The following PNMA2 variants were observed in gnomAD, a reference collection of about 807,000 sequenced individuals.
The protein encoded by PNMA2 is paraneoplastic antigen Ma2.
For synonymous variants in PNMA2, 175 were observed against 183.5 expected (o/e 0.95, Z 0.38); for missense variants, 455 against 452.9 (o/e 1.00, Z -0.04).
In PNMA2 at chr8:26,508,977, C is replaced by A; in HGVS notation, c.-222G>T. The stretch of plus-strand genomic sequence containing the variant: ...GAACTCAGGACTTCTTGTCTTTAGG[C>A]CTGACCCAGGTGGGCAGGTCGTATC... On this transcript the variant is annotated 5_prime_UTR_variant, in exon 3 of 3. Coordinates refer to ENST00000522362, the MANE Select transcript of PNMA2 (RefSeq NM_007257.6). The surrounding 1 kb of genome is among the most constrained non-coding windows in gnomAD (Gnocchi z 5.5). The A allele has an allele frequency of 3.1e-6, 4 of 1,289,926 alleles. No individual in the cohort carries two copies. Among genetic ancestry groups the A allele is most frequent in the Non-Finnish European group, 4.0e-6 (4 of 996,598 alleles). The allele number at this position is 1,289,926 out of a possible 1,614,324, so 79.9% of individuals were successfully genotyped here.
Position 26,508,312 on chromosome 8 carries a change from C to T in PNMA2, c.444G>A (p.Gln148=). The T allele has an allele frequency of 6.2e-7, 1 of 1,609,646 alleles. No individual in the cohort carries two copies. Among genetic ancestry groups the T allele is most frequent in the Non-Finnish European group, 8.5e-7 (1 of 1,177,572 alleles). The change falls in exon 3 of 3, where the codon CAG becomes CAA. Residue 148 remains glutamine, a synonymous_variant. Coordinates refer to ENST00000522362, the MANE Select transcript of PNMA2 (RefSeq NM_007257.6). The surrounding 1 kb of genome is among the most constrained non-coding windows in gnomAD (Gnocchi z 5.5). ...SPELLAHLLG[Q]AMAHAPQPLL... ...GGGGCTGAGGCGCATGTGCCATTGC[C>T]TGTCCCAACAAATGGGCCAGTAATT...
chr8:26,507,189 G>T lies in PNMA2; in HGVS notation c.*472C>A, dbSNP rs946718137. On this transcript the variant is annotated 3_prime_UTR_variant, in exon 3 of 3. Coordinates refer to ENST00000522362, the MANE Select transcript of PNMA2 (RefSeq NM_007257.6). ...CATGCCTGTAATCCCAGCACTTTGG[G>T]AGGCCGAGTTGGGCACATCATTTGA... is the stretch of plus-strand genomic sequence containing the variant. 1.3e-5 allele frequency: 2 copies of T among 152,504 alleles called. No individual in the cohort carries two copies. The highest frequency in any genetic ancestry group is 4.8e-5 in the African/African-American group (2 of 41,450). 9.4% of individuals were successfully genotyped at this position (152,504 alleles called of 1,614,324 possible). A position where few individuals can be genotyped will look rare whatever the true frequency, so the allele number is the denominator to read the frequency against.
In PNMA2 at chr8:26,507,454, A is replaced by G; in HGVS notation, c.*207T>C. 2.1e-6 allele frequency: 1 copy of G among 469,492 alleles called. No individual in the cohort carries two copies. The highest frequency in any genetic ancestry group is 3.7e-6 in the Non-Finnish European group (1 of 273,364). The allele number at this position is 469,492 out of a possible 1,614,324, so 29.1% of individuals were successfully genotyped here. A position where few individuals can be genotyped will look rare whatever the true frequency, so the allele number is the denominator to read the frequency against. On this transcript the variant is annotated 3_prime_UTR_variant, in exon 3 of 3. Coordinates refer to ENST00000522362, the MANE Select transcript of PNMA2 (RefSeq NM_007257.6). ...GACCCAAGAAATAAAGAAGAAAGAG[A>G]AAAAGAAAAAAGGAAGGAAGGAAGG...
chr8:26,505,436 G>T lies in PNMA2; in HGVS notation c.*2225C>A, dbSNP rs1165084662. On this transcript the variant is annotated 3_prime_UTR_variant, in exon 3 of 3. Coordinates refer to ENST00000522362, the MANE Select transcript of PNMA2 (RefSeq NM_007257.6). The stretch of plus-strand genomic sequence containing the variant: ...TAACTAAATGGTGCTCATCTGCACT[G>T]CACTCACACACTTACGTGATACACA... The T allele has an allele frequency of 1.3e-5, 2 of 154,844 alleles. No individual in the cohort carries two copies. Among genetic ancestry groups the T allele is most frequent in the Non-Finnish European group, 1.5e-5 (1 of 68,428 alleles). The allele number at this position is 154,844 out of a possible 1,614,324, so 9.6% of individuals were successfully genotyped here. A position where few individuals can be genotyped will look rare whatever the true frequency, so the allele number is the denominator to read the frequency against.
chr8:26,512,393 C>A (rs1290032823), intron 1 of PNMA2, among the ~76,000 whole-genome samples: 2 of 152,242 alleles, frequency 1.3e-5, no homozygotes. Context: ...GTCTGTTTCT[C>A]ATCCGGAGAC....
chr8:26,506,610 A>G lies in PNMA2; in HGVS notation c.*1051T>C, dbSNP rs1289943794. On this transcript the variant is annotated 3_prime_UTR_variant, in exon 3 of 3. Transcript: ENST00000522362. The surrounding 1 kb of genome is among the most constrained non-coding windows in gnomAD (Gnocchi z 4.4). ...TTCCCAGGTTAAAACAACAACAACA[A>G]TGACAACAACAACAACAAAAATCTG... The G allele has an allele frequency of 6.6e-6, 1 of 152,226 alleles. No individual in the cohort carries two copies. The highest frequency in any genetic ancestry group is 1.5e-5 in the Non-Finnish European group (1 of 68,056). 9.4% of individuals were successfully genotyped at this position (152,226 alleles called of 1,614,324 possible).
intron 1 of PNMA2, among the ~76,000 whole-genome samples, chr8:26,511,029 G>A (rs1042928854): frequency 6.6e-6 from 1 of 151,950 alleles, no homozygotes; most frequent in Non-Finnish European, 1.5e-5. Flanking sequence ...GCACGTGCCT[G>A]TAATCCCAGC....
At chr8:26,512,955 C>A (rs1470336550) in intron 1 of PNMA2, 1 of 152,268 alleles carries the variant, frequency 6.6e-6, no homozygotes, top group Non-Finnish European at 1.5e-5. Flanking sequence ...GCACCAGATG[C>A]GCACCCGCAC....
In PNMA2 at chr8:26,505,197, G is replaced by T. The variant is rs1450869487; in HGVS notation, c.*2464C>A. The T allele has an allele frequency of 6.5e-6, 1 of 153,324 alleles. No individual in the cohort carries two copies. Among genetic ancestry groups the T allele is most frequent in the Non-Finnish European group, 1.5e-5 (1 of 68,300 alleles). 9.5% of individuals were successfully genotyped at this position (153,324 alleles called of 1,614,324 possible). A position where few individuals can be genotyped will look rare whatever the true frequency, so the allele number is the denominator to read the frequency against. ...CAGGAACATCGTGAAAATCCTAAGA[G>T]CTTCAATGTATTGAGGGCTTTCTGT... is the stretch of plus-strand genomic sequence containing the variant. On this transcript the variant is annotated 3_prime_UTR_variant, in exon 3 of 3. Transcript: ENST00000522362.
In PNMA2 at chr8:26,509,940, T is replaced by A. The variant is rs1164806278; in HGVS notation, c.-618-263A>T. ...ATTATGAATTAATTCTCTTTTGTTG[T>A]GTCTGGAAGGCTTTGCAAACACACA... is the stretch of plus-strand genomic sequence containing the variant. On this transcript the variant is annotated intron_variant, in intron 1 of 2. Coordinates refer to ENST00000522362, the MANE Select transcript of PNMA2 (RefSeq NM_007257.6). This position sits in a 1 kb window ranked among gnomAD's most constrained non-coding sequence, Gnocchi z 5.7. 6.6e-6 allele frequency among the ~76,000 whole-genome samples: 1 copy of A among 152,246 alleles called. No individual in the cohort carries two copies. The highest frequency in any genetic ancestry group is 1.5e-5 in the Non-Finnish European group (1 of 68,040).
Position 26,508,833 on chromosome 8 carries a change from A to C in PNMA2, c.-78T>G. ...GCAGCTATGCACTGACTTAATATTGAAAATATCCTGGATGAGCTTCTAACC... is the reference window on the plus strand; with the variant it reads ...GCAGCTATGCACTGACTTAATATTGCAAATATCCTGGATGAGCTTCTAACC... On this transcript the variant is annotated 5_prime_UTR_variant, in exon 3 of 3. Transcript: ENST00000522362. The surrounding 1 kb of genome is among the most constrained non-coding windows in gnomAD (Gnocchi z 5.5). 2.0e-6 allele frequency: 3 copies of C among 1,524,964 alleles called. No individual in the cohort carries two copies. The highest frequency in any genetic ancestry group is 2.6e-6 in the Non-Finnish European group (3 of 1,139,062). The allele number at this position is 1,524,964 out of a possible 1,614,324, so 94.5% of individuals were successfully genotyped here.
In PNMA2 at chr8:26,507,876, G is replaced by A. The variant is rs368364116; in HGVS notation, c.880C>T (p.Arg294Cys). The change falls in exon 3 of 3, where the codon CGC (arginine) becomes TGC (cysteine). Residue 294 changes from arginine (R) to cysteine (C), a missense_variant. Coordinates refer to ENST00000522362, the MANE Select transcript of PNMA2 (RefSeq NM_007257.6). ...GCCCCAGCCATGACCTGCTCCAGGC[G>A]GACCTGGTCCGCAATACGCCGAGGG... is the stretch of plus-strand genomic sequence containing the variant. ...AIPRRIADQVRLEQVMAGATL... is the reference protein window; with the variant it reads ...AIPRRIADQVCLEQVMAGATL... 6.2e-6 allele frequency: 10 copies of A among 1,614,084 alleles called. No individual in the cohort carries two copies. The highest frequency in any genetic ancestry group is 4.4e-5 in the South Asian group (4 of 91,090).
chr8:26,508,709 T>C lies in PNMA2; in HGVS notation c.47A>G (p.Asp16Gly). Reference protein sequence around the residue: ...LEDWCRIMSVDEQKSLMVTGI... With the variant: ...LEDWCRIMSVGEQKSLMVTGI... ...CGTAACCATCAGTGACTTCTGCTCA[T>C]CCACACTCATTATCCTGCACCAGTC... Residue 16 changes from aspartate (D) to glycine (G), a missense_variant, in exon 3 of 3, where the codon GAT becomes GGT. Transcript: ENST00000522362. This position sits in a 1 kb window ranked among gnomAD's most constrained non-coding sequence, Gnocchi z 5.5. The C allele has an allele frequency of 6.2e-7, 1 of 1,614,112 alleles. No homozygotes were observed. Among genetic ancestry groups the C allele is most frequent in the Non-Finnish European group, 8.5e-7 (1 of 1,179,980 alleles).
At chr8:26,510,233 C>T (rs1046440321) in intron 1 of PNMA2, among the ~76,000 whole-genome samples, 6 of 152,212 alleles carry the variant, frequency 3.9e-5, no homozygotes, top group Admixed American at 1.3e-4. Flanking sequence ...CTTGCCGCAT[C>T]TGCTCCCTCT....
Position 26,507,566 on chromosome 8 carries a change from G to T in PNMA2, c.*95C>A. ...AAGGAAGGAAGGAAGGTCAATAATT[G>T]GCTTTCATGGTTTGATTTCAGTCCC... On this transcript the variant is annotated 3_prime_UTR_variant, in exon 3 of 3. Transcript: ENST00000522362. The T allele has an allele frequency of 1.9e-6, 2 of 1,077,074 alleles. No individual in the cohort carries two copies. The highest frequency in any genetic ancestry group is 2.0e-5 in the South Asian group (1 of 51,208). 66.7% of individuals were successfully genotyped at this position (1,077,074 alleles called of 1,614,324 possible).
chr8:26,513,396 C>G (rs866303052), intron 1 of PNMA2, among the ~76,000 whole-genome samples: 1 of 151,752 alleles, frequency 6.6e-6, no homozygotes, highest in Non-Finnish European at 1.5e-5. Flanking sequence ...GTGCCCCCCC[C>G]CCACTCCCCC....
chr8:26,508,228 T>C lies in PNMA2; in HGVS notation c.528A>G (p.Pro176=). 5 of 1,607,416 alleles carry C rather than the reference T, an allele frequency of 3.1e-6. No homozygotes were observed. The highest frequency in any genetic ancestry group is 4.2e-6 in the Non-Finnish European group (5 of 1,176,512). ...RVFSGSAVPA[P]EEESFEVWLE... ...ACCAGACCTCAAAGGACTCTTCCTCTGGGGCTGGGACAGCACTCCCTGAGA... is the reference window on the plus strand; with the variant it reads ...ACCAGACCTCAAAGGACTCTTCCTCCGGGGCTGGGACAGCACTCCCTGAGA... The change falls in exon 3 of 3, where the codon CCA becomes CCG. Residue 176 remains proline, a synonymous_variant. Coordinates refer to ENST00000522362, the MANE Select transcript of PNMA2 (RefSeq NM_007257.6). The surrounding 1 kb of genome is among the most constrained non-coding windows in gnomAD (Gnocchi z 5.5).
At chr8:26,511,899 A>AAGAC (rs1672761604) in intron 1 of PNMA2, 1 of 152,252 alleles carries the variant, frequency 6.6e-6, no homozygotes, top group Non-Finnish European at 1.5e-5. Flanking sequence ...CTACAGAATG[A>AAGAC]CTGCTATGCT....
chr8:26,510,282 C>G (rs1808126940), intron 1 of PNMA2, among the ~76,000 whole-genome samples: 1 of 152,212 alleles, frequency 6.6e-6, no homozygotes, highest in Non-Finnish European at 1.5e-5. Flanking sequence ...TGAGGGGTCA[C>G]CAGATGCAGA....
Sources: gnomAD v4.1 joint callset for allele counts (sites outside exome capture counted in the v4.1 genomes callset) on GRCh38, gnomAD v4.1.1 for gene constraint, Gnocchi (gnomAD v3.1) non-coding constraint, MANE v1.5 for transcripts, NCBI Gene and HGNC (gene_info 2026-07-23, HGNC 2026-07-21) for gene names.